The following DNM3 variants were observed in gnomAD, a reference collection of about 807,000 sequenced individuals.
DNM3 encodes the protein dynamin-3.
A neutral mutation model predicts 101.6 loss-of-function variants in DNM3; 47 were observed. The observed-to-expected ratio is 0.46, with a 90% CI of 0.37 to 0.59. The LOEUF (loss-of-function observed/expected upper bound fraction) is 0.59, where lower values mean the gene tolerates loss of function less well. Ranked by LOEUF, DNM3 falls within the 20% of genes least tolerant of loss-of-function variation. DNM3 has a pLI of 0.00. For synonymous variants in DNM3, 385 were observed against 387.9 expected, an observed-to-expected ratio of 0.99 and a Z score of 0.09; for missense variants, 849 against 1,085.7, an observed-to-expected ratio of 0.78 and a Z score of 3.06.
chr1:172,193,296 A>C (rs2059808938), intron 14 of DNM3, among the ~76,000 whole-genome samples: 4 of 152,118 alleles, frequency 2.6e-5, no homozygotes, highest in Admixed American at 2.6e-4. Flanking sequence ...ATCGATGTTC[A>C]TCAGGGATAT....
chr1:172,253,662 A>G lies in DNM3; in HGVS notation c.1749A>G (p.Ala583=). 1.3e-6 allele frequency: 2 copies of G among 1,580,666 alleles called. No homozygotes were observed. Among genetic ancestry groups the G allele is most frequent in the Non-Finnish European group, 1.7e-6 (2 of 1,162,460 alleles). The change falls in exon 15 of 21, where the codon GCA becomes GCG. Residue 583 remains alanine, a synonymous_variant. Transcript: ENST00000627582. ...KSFMSSKHIF[A]LFNTEQRNVY... is the part of the protein sequence containing the mutation. ...TTATGTCTAGCAAGCACATCTTTGCACTCTTTAATACAGAGCAAAGGTAAG... is the reference window on the plus strand; with the variant it reads ...TTATGTCTAGCAAGCACATCTTTGCGCTCTTTAATACAGAGCAAAGGTAAG...
At chr1:172,217,198 A>G (rs2060731964) in intron 14 of DNM3, among the ~76,000 whole-genome samples, 1 of 152,180 alleles carries the variant, frequency 6.6e-6, no homozygotes, top group Non-Finnish European at 1.5e-5. Context: ...CTCTTAGAGC[A>G]TCACTACTAT....
intron 2 of DNM3, among the ~76,000 whole-genome samples, chr1:171,965,331 C>G (rs187223289): frequency 6.6e-6 from 1 of 151,294 alleles, no homozygotes; most frequent in Non-Finnish European, 1.5e-5. Flanking sequence ...TTGCTTGAGG[C>G]CAAGAGTTTG....
chr1:171,981,880 T>C (rs1285371157), intron 2 of DNM3, among the ~76,000 whole-genome samples: 1 of 152,198 alleles, frequency 6.6e-6, no homozygotes, highest in East Asian at 1.9e-4. Context: ...ATTTCACGGA[T>C]GCGTTATCAC....
At chr1:172,372,184 C>A (rs914023770) in intron 17 of DNM3, among the ~76,000 whole-genome samples, 1 of 149,216 alleles carries the variant, frequency 6.7e-6, no homozygotes, top group Non-Finnish European at 1.5e-5. Context: ...TTTGTTCTTG[C>A]GATAGTTTAC....
chr1:171,865,773 A>C (rs1488037200), intron 1 of DNM3, among the ~76,000 whole-genome samples: 1 of 152,196 alleles, frequency 6.6e-6, no homozygotes, highest in Non-Finnish European at 1.5e-5. Context: ...ACAATTTCTC[A>C]TATTTTATAA....
chr1:172,329,832 A>G (rs2066106523), intron 17 of DNM3, among the ~76,000 whole-genome samples: 1 of 152,212 alleles, frequency 6.6e-6, no homozygotes, highest in Non-Finnish European at 1.5e-5. Flanking sequence ...TCAATAGAGC[A>G]TTTAGAAGCC....
intron 11 of DNM3, among the ~76,000 whole-genome samples, 160 bp downstream of exon 11, chr1:172,069,065 A>G (rs2051941803): frequency 6.6e-6 from 1 of 152,236 alleles, no homozygotes; most frequent in Non-Finnish European, 1.5e-5. Context: ...TATGAATTAT[A>G]CACATACTAT....
At chr1:172,318,879 A>G (rs1292130186) in intron 16 of DNM3, among the ~76,000 whole-genome samples, 1 of 152,224 alleles carries the variant, frequency 6.6e-6, no homozygotes, top group Non-Finnish European at 1.5e-5. Context: ...CAGACTTGGA[A>G]AAAACTACTT....
chr1:172,274,386 A>C (rs1426931562), intron 15 of DNM3, among the ~76,000 whole-genome samples: 1 of 152,078 alleles, frequency 6.6e-6, no homozygotes, highest in Admixed American at 6.6e-5. Context: ...AGAAGTGACT[A>C]AAGAGGACAG....
chr1:172,041,571 C>A (rs555492849), intron 7 of DNM3, among the ~76,000 whole-genome samples: 51 of 152,090 alleles, frequency 3.4e-4, no homozygotes, highest in African/African-American at 1.1e-3. Flanking sequence ...ACCTTGAGAT[C>A]ACCTAGGGAT....
In DNM3 at chr1:172,123,987, G is replaced by A. The variant is rs537880855; in HGVS notation, c.1546-7188G>A. Among the ~76,000 whole-genome samples, 4 of 152,214 alleles carry A rather than the reference G, an allele frequency of 2.6e-5. No individual in the cohort carries two copies. In the Middle Eastern group the frequency reaches 0.014, roughly 518 times the overall value. ...CTAGTGGACAGAAAGTTCTGAGAGGGGTCAAAGCAGTGCATTTGTAGAGTC... is the reference window on the plus strand; with the variant it reads ...CTAGTGGACAGAAAGTTCTGAGAGGAGTCAAAGCAGTGCATTTGTAGAGTC... On this transcript the variant is annotated intron_variant, in intron 13 of 20. Coordinates refer to ENST00000627582, the MANE Select transcript of DNM3 (RefSeq NM_015569.5).
At chr1:172,259,583 C>G (rs933068711) in intron 15 of DNM3, among the ~76,000 whole-genome samples, 4 of 152,042 alleles carry the variant, frequency 2.6e-5, no homozygotes, top group Non-Finnish European at 5.9e-5. Flanking sequence ...TTTTGAGCAC[C>G]ATTTACATGG....
rs2071100189 is a variant in DNM3 at position 172,409,697 on chromosome 1, A to G, written c.*1856A>G. ...ATGGAAAACTGTTAAGCAAACATCC[A>G]TAGTAAAACAAATAATCTTCAGTGA... On this transcript the variant is annotated 3_prime_UTR_variant, in exon 21 of 21. Coordinates refer to ENST00000627582, the MANE Select transcript of DNM3 (RefSeq NM_015569.5). 7 of 985,568 alleles carry G rather than the reference A, an allele frequency of 7.1e-6. No individual in the cohort carries two copies. Among genetic ancestry groups the G allele is most frequent in the Non-Finnish European group, 6.0e-6 (5 of 829,780 alleles). 61.1% of individuals were successfully genotyped at this position (985,568 alleles called of 1,614,324 possible).
At chr1:172,359,777 C>T (rs1225132403) in intron 17 of DNM3, among the ~76,000 whole-genome samples, 1 of 151,986 alleles carries the variant, frequency 6.6e-6, no homozygotes, top group African/African-American at 2.4e-5. Flanking sequence ...CACAGTCTTT[C>T]ATGGAAATAT....
intron 17 of DNM3, among the ~76,000 whole-genome samples, chr1:172,354,214 GGTTCTTGA>G (rs1283792529): frequency 6.6e-6 from 1 of 151,598 alleles, no homozygotes; most frequent in African/African-American, 2.4e-5. Context: ...GAAAAAACCG[GGTTCTTGA>G]GTTCTTGTCT....
At chr1:172,270,553 T>C (rs1422555965) in intron 15 of DNM3, among the ~76,000 whole-genome samples, 2 of 152,136 alleles carry the variant, frequency 1.3e-5, no homozygotes, top group East Asian at 3.9e-4. Flanking sequence ...TACACATAAA[T>C]TATATTATTC....
At chr1:171,898,164 A>C (rs2037979016) in intron 1 of DNM3, among the ~76,000 whole-genome samples, 1 of 152,150 alleles carries the variant, frequency 6.6e-6, no homozygotes, top group South Asian at 2.1e-4. Context: ...AATAATAAAA[A>C]TGGGATCTTT....
intron 1 of DNM3, among the ~76,000 whole-genome samples, chr1:171,845,846 G>A (rs937062772): frequency 5.9e-5 from 9 of 152,132 alleles, no homozygotes; most frequent in Admixed American, 2.6e-4. Flanking sequence ...AAAATGACAC[G>A]CTTGTTAGAA....
Sources: allele counts gnomAD v4.1 joint callset (sites outside exome capture counted in the v4.1 genomes callset), GRCh38; gene constraint gnomAD v4.1.1; transcripts MANE v1.5; gene names NCBI Gene and HGNC (gene_info 2026-07-23, HGNC 2026-07-21).